PPFIA4: variants seen among roughly 807,000 people sequenced by gnomAD.
PPFIA4 encodes the protein liprin-alpha-4.
PPFIA4 carries 98 observed loss-of-function variants against 145.7 expected under a neutral mutation model. That is an observed-to-expected ratio of 0.67 (90% confidence interval 0.57 to 0.80). The LOEUF (loss-of-function observed/expected upper bound fraction) is 0.80. PPFIA4 is among the 30% of genes least tolerant of loss of function. PPFIA4 has a pLI of 0.00. For missense variants in PPFIA4, 1,457 were observed against 1,632.7 expected, an observed-to-expected ratio of 0.89 and a Z score of 1.85; for synonymous variants, 628 against 649.6, an observed-to-expected ratio of 0.97 and a Z score of 0.51.
Position 203,076,437 on chromosome 1 carries a change from C to T in PPFIA4, c.*47C>T, listed in dbSNP as rs369363072. The T allele has an allele frequency of 7.9e-4, 1,240 of 1,566,314 alleles. 3 individuals carry two copies. The highest frequency in any genetic ancestry group is 1.0e-3 in the Non-Finnish European group (1,145 of 1,142,998). ...TCCTCCTTCTGGGTTTCACAGGCTC[C>T]TCTGGCCCTGACCCCTCTTGCTCGT... On this transcript the variant is annotated 3_prime_UTR_variant, in exon 30 of 30. Transcript: ENST00000295706.
intron 13 of PPFIA4, chr1:203,051,327 A>C: frequency 1.0e-6 from 1 of 988,632 alleles, no homozygotes; most frequent in Non-Finnish European, 1.2e-6. Flanking sequence ...AAGACCAAAA[A>C]ACAAAGACCC....
Position 203,046,341 on chromosome 1 carries a change from G to A in PPFIA4, c.1099G>A (p.Val367Met), listed in dbSNP as rs1162505404. Residue 367 changes from valine to methionine, a missense_variant, in exon 9 of 30, where the codon GTG (valine) becomes ATG (methionine). Val to Met is a conservative substitution (Grantham distance 21, BLOSUM62 1). Coordinates refer to ENST00000295706, the MANE Select transcript of PPFIA4 (RefSeq NM_001304331.2). ...GCGCAAGGCAGAGACGCTGCCAGAGGTGGAGGCTGAGCTGGCCCAGAGAAT... is the reference window on the plus strand; with the variant it reads ...GCGCAAGGCAGAGACGCTGCCAGAGATGGAGGCTGAGCTGGCCCAGAGAAT... The part of the protein sequence containing the change: ...TMRKAETLPE[V>M]EAELAQRIAA... 1 of 1,593,042 alleles carries A rather than the reference G, an allele frequency of 6.3e-7. No homozygotes were observed. Among genetic ancestry groups the A allele is most frequent in the South Asian group, 1.1e-5 (1 of 87,724 alleles).
At chr1:203,072,041 G>A (rs760911548) in intron 28 of PPFIA4, among the ~76,000 whole-genome samples, 6 of 152,088 alleles carry the variant, frequency 3.9e-5, no homozygotes, top group African/African-American at 7.2e-5. Context: ...TCTGTGCCCC[G>A]CCTTCCTATC....
At chr1:203,036,242 G>C (rs1659242151) in intron 1 of PPFIA4, among the ~76,000 whole-genome samples, 1 of 152,204 alleles carries the variant, frequency 6.6e-6, no homozygotes, top group Non-Finnish European at 1.5e-5. Flanking sequence ...ATCCCTCTAA[G>C]GAAGGCAAAA....
Position 203,075,706 on chromosome 1 carries a change from C to G in PPFIA4, c.3523C>G (p.Leu1175Val). 3.4e-6 allele frequency: 5 copies of G among 1,458,082 alleles called. No individual in the cohort carries two copies. Among genetic ancestry groups the G allele is most frequent in the Non-Finnish European group, 4.5e-6 (5 of 1,101,166 alleles). 90.3% of individuals were successfully genotyped at this position (1,458,082 alleles called of 1,614,324 possible). ...TLPAGFRVSTLGTLQPPPAPP... is the reference protein window; with the variant it reads ...TLPAGFRVSTVGTLQPPPAPP... ...CCCGGCGGGCTTCCGTGTGTCCACC[C>G]TGGGGACCCTGCAGCCCCCACCGGC... Residue 1175 changes from leucine to valine, a missense_variant, in exon 29 of 30, where the codon CTG becomes GTG. Around this residue, in one of 3 missense-constraint regions of PPFIA4, gnomAD observed 146 missense variants for 126.2 expected, o/e 1.16. Transcript: ENST00000295706. This position sits in a 1 kb window ranked among gnomAD's most constrained non-coding sequence, Gnocchi z 4.1.
intron 19 of PPFIA4, among the ~76,000 whole-genome samples, chr1:203,058,122 A>G (rs548209680): frequency 1.3e-5 from 2 of 152,186 alleles, no homozygotes; most frequent in South Asian, 2.1e-4. Context: ...ACTAGAATAA[A>G]GGAACCTTTG....
rs61748818 is a variant in PPFIA4 at position 203,056,455 on chromosome 1, G to A, written c.2187G>A (p.Thr729=). 86,976 of 1,613,906 alleles carry A rather than the reference G, an allele frequency of 0.054. 2,672 individuals are homozygous for A. The highest frequency in any genetic ancestry group is 0.1 in the East Asian group (4,532 of 44,874). Residue 729 remains threonine (T), a synonymous_variant, in exon 18 of 30, where the codon ACG becomes ACA. Transcript: ENST00000295706. ...CETSPPSSPR[T]LRLEKLGHPA... ...CTTCTCCTCCTTCCTCACCCAGGAC[G>A]CTGCGGCTAGAGAAGCTTGGCCACC...
chr1:203,048,766 C>T lies in PPFIA4; in HGVS notation c.1356+52C>T, dbSNP rs1028421239. ...CGAGAGGTTAGTGCTGGGTGTGGGGCGGGGGGAGGCGGGACTGTGATGGGC... is the reference window on the plus strand; with the variant it reads ...CGAGAGGTTAGTGCTGGGTGTGGGGTGGGGGGAGGCGGGACTGTGATGGGC... On this transcript the variant is annotated intron_variant, in intron 11 of 29. Coordinates refer to ENST00000295706, the MANE Select transcript of PPFIA4 (RefSeq NM_001304331.2). The surrounding 1 kb of genome is among the most constrained non-coding windows in gnomAD (Gnocchi z 5.8). The T allele has an allele frequency of 2.1e-4, 80 of 372,578 alleles. No homozygotes were observed. The highest frequency in any genetic ancestry group is 2.8e-4 in the African/African-American group (4 of 14,130). 23.1% of individuals were successfully genotyped at this position (372,578 alleles called of 1,614,324 possible).
Position 203,048,480 on chromosome 1 carries a change from C to T in PPFIA4, c.1225-103C>T, listed in dbSNP as rs1660244998. On this transcript the variant is annotated intron_variant, in intron 10 of 29. Transcript: ENST00000295706. This position sits in a 1 kb window ranked among gnomAD's most constrained non-coding sequence, Gnocchi z 5.8. ...GTGGTCAGGAGACTGGAGAGAGTGG[C>T]TCCCAGAGGATGAGAAGAGGACAGG... 4.0e-6 allele frequency: 6 copies of T among 1,511,686 alleles called. No homozygotes were observed. In the South Asian group the frequency reaches 7.3e-5, roughly 18 times the overall value. The allele number at this position is 1,511,686 out of a possible 1,614,324, so 93.6% of individuals were successfully genotyped here.
chr1:203,067,346 C>A (rs79921096), intron 25 of PPFIA4: 1 of 259,946 alleles, frequency 3.8e-6, no homozygotes, highest in East Asian at 9.0e-5. Context: ...AAAGGGGTAT[C>A]TTGTTTTTGC....
rs1370112776 is a variant in PPFIA4 at position 203,059,159 on chromosome 1, C to G, written c.2408-19C>G. ...AGAGGCAGAGGGGCTGGCTGACACA[C>G]ACATCTCTTTCCTTGTAGTTCTGCT... On this transcript the variant is annotated intron_variant, in intron 19 of 29. Transcript: ENST00000295706. 1 of 1,476,404 alleles carries G rather than the reference C, an allele frequency of 6.8e-7. No homozygotes were observed. The highest frequency in any genetic ancestry group is 1.4e-5 in the African/African-American group (1 of 71,472). 91.5% of individuals were successfully genotyped at this position (1,476,404 alleles called of 1,614,324 possible).
Position 203,038,971 on chromosome 1 carries a change from T to A in PPFIA4, c.-38T>A. On this transcript the variant is annotated 5_prime_UTR_variant, in exon 2 of 30. Coordinates refer to ENST00000295706, the MANE Select transcript of PPFIA4 (RefSeq NM_001304331.2). Reference sequence around the variant, plus strand: ...GGTGCCAACCCTGTGAGTCCCTCCCTGTCCCCTGACGCTGAGAAGGCCCTG... The same window carrying A: ...GGTGCCAACCCTGTGAGTCCCTCCCAGTCCCCTGACGCTGAGAAGGCCCTG... The A allele has an allele frequency of 8.5e-7, 1 of 1,180,404 alleles. No individual in the cohort carries two copies. The highest frequency in any genetic ancestry group is 1.2e-6 in the Non-Finnish European group (1 of 834,544). 73.1% of individuals were successfully genotyped at this position (1,180,404 alleles called of 1,614,324 possible).
At chr1:203,056,282 T>A in intron 17 of PPFIA4, 93 bp from the exon 18 acceptor site, 1 of 1,598,572 alleles carries the variant, frequency 6.3e-7, no homozygotes, top group Non-Finnish European at 8.5e-7. Context: ...GCCTCCCCAC[T>A]GCATTTCTCC....
chr1:203,035,175 C>T (rs1659139018), intron 1 of PPFIA4: 1 of 406,278 alleles, frequency 2.5e-6, no homozygotes, highest in African/African-American at 2.1e-5. Context: ...TCCTGTTTTC[C>T]CTCGTGGCTG....
Position 203,044,002 on chromosome 1 carries a change from C to A in PPFIA4, c.408C>A (p.Arg136=). 1 of 1,612,420 alleles carries A rather than the reference C, an allele frequency of 6.2e-7. No individual in the cohort carries two copies. Residue 136 remains arginine, a synonymous_variant, in exon 4 of 30, where the codon CGC becomes CGA. Coordinates refer to ENST00000295706, the MANE Select transcript of PPFIA4 (RefSeq NM_001304331.2). ...ERSLRMTVVK[R]QAQSPSGVSS... ...CACTGCGGATGACTGTGGTGAAGCG[C>A]CAGGCCCAGTCACCTTCGGGGGTCT...
chr1:203,039,418 C>T (rs1317583471), intron 2 of PPFIA4, among the ~76,000 whole-genome samples, 176 bp downstream of exon 2: 1 of 152,242 alleles, frequency 6.6e-6, no homozygotes, highest in Non-Finnish European at 1.5e-5. Context: ...CCATGCTCCT[C>T]AGTCTGGAAG....
At chr1:203,045,632 G>T in intron 7 of PPFIA4, 73 bp downstream of exon 7, 1 of 1,476,400 alleles carries the variant, frequency 6.8e-7, no homozygotes, top group Non-Finnish European at 9.1e-7. Flanking sequence ...CAAAGGCTCT[G>T]GGGCGTGAGA....
At chr1:203,069,805 C>T (rs1272451245) in intron 27 of PPFIA4, among the ~76,000 whole-genome samples, 1 of 123,172 alleles carries the variant, frequency 8.1e-6, no homozygotes, top group African/African-American at 3.1e-5. Context: ...TAGGACAGAT[C>T]CCTTCATTCT....
rs1308037767 is a variant in PPFIA4, at chr1:203,055,508, G to C, written c.1906G>C (p.Glu636Gln). The C allele has an allele frequency of 6.2e-7, 1 of 1,614,006 alleles. No individual in the cohort carries two copies. Among genetic ancestry groups the C allele is most frequent in the Non-Finnish European group, 8.5e-7 (1 of 1,179,884 alleles). ...GACGCGTGTAACCAGTGGCAGCATG[G>C]AAGCCCTAAACCTGAAGCAGCTGCG... The part of the protein sequence containing the change: ...IETRVTSGSM[E>Q]ALNLKQLRKR... The change falls in exon 16 of 30, where the codon GAA becomes CAA. Residue 636 changes from glutamate to glutamine, a missense_variant. Physicochemically the swap from Glu to Gln is conservative, Grantham distance 29. Around this residue, in one of 3 missense-constraint regions of PPFIA4, gnomAD observed 848 missense variants for 1,046.7 expected, o/e 0.81. Coordinates refer to ENST00000295706, the MANE Select transcript of PPFIA4 (RefSeq NM_001304331.2). This position sits in a 1 kb window ranked among gnomAD's most constrained non-coding sequence, Gnocchi z 4.8.
Sources: gnomAD v4.1 joint callset for allele counts (sites outside exome capture counted in the v4.1 genomes callset) on GRCh38, gnomAD v4.1.1 for gene constraint, gnomAD v4.1.1 regional missense constraint, Gnocchi (gnomAD v3.1) non-coding constraint, MANE v1.5 for transcripts, NCBI Gene and HGNC (gene_info 2026-07-23, HGNC 2026-07-21) for gene names.